SATB1: variants seen among roughly 807,000 people sequenced by gnomAD.
The protein encoded by SATB1 is SATB homeobox 1.
A neutral mutation model predicts 86.9 loss-of-function variants in SATB1; 11 were observed. The ratio of observed to expected loss-of-function variants is 0.13; its 90% CI spans 0.08 to 0.21. SATB1 has a LOEUF of 0.21. Ranked by LOEUF, SATB1 falls within the 10% of genes least tolerant of loss-of-function variation. SATB1 has a pLI of 1.00. For missense variants in SATB1, 551 were observed against 937.6 expected, an observed-to-expected ratio of 0.59 and a Z score of 5.39; for synonymous variants, 357 against 357.2, an observed-to-expected ratio of 1.00 and a Z score of 0.01.
chr3:18,438,170 G>A lies in SATB1; in HGVS notation c.-108+395C>T, dbSNP rs1699128187. On this transcript the variant is annotated intron_variant, in intron 1 of 3. Transcript: ENST00000414509. The stretch of plus-strand genomic sequence containing the variant: ...TCCTTAACATTATAAACATTAAAAG[G>A]CCAAATTGTCATTTACATGCTCTTA... Among the ~76,000 whole-genome samples the A allele has an allele frequency of 2.0e-5, 3 of 152,040 alleles. No homozygotes were observed. The South Asian group carries it at 6.2e-4, about 32-fold the overall frequency.
Position 18,347,497 on chromosome 3 carries a change from A to G in SATB1, c.*1673T>C, listed in dbSNP as rs918728814. 3.3e-5 allele frequency: 5 copies of G among 152,104 alleles called. No homozygotes were observed. Among genetic ancestry groups the G allele is most frequent in the Admixed American group, 3.3e-4 (5 of 15,262 alleles). The allele number at this position is 152,104 out of a possible 1,614,324, so 9.4% of individuals were successfully genotyped here. A position where few individuals can be genotyped will look rare whatever the true frequency, so the allele number is the denominator to read the frequency against. ...TATTCCACTTATAACTTGTGAAAAA[A>G]AAAAGCTAAGGGGTTTTTATACAGA... On this transcript the variant is annotated 3_prime_UTR_variant, in exon 11 of 11. Transcript: ENST00000338745.
intron 5 of SATB1, among the ~76,000 whole-genome samples, chr3:18,407,250 C>T (rs919539195): frequency 6.6e-6 from 1 of 152,068 alleles, no homozygotes; most frequent in African/African-American, 2.4e-5. Flanking sequence ...AAAGTATAAG[C>T]TGCAGTCTTC....
Position 18,444,308 on chromosome 3 carries a change from T to C in SATB1, c.-25+1210A>G, listed in dbSNP as rs977799128. 2.6e-5 allele frequency among the ~76,000 whole-genome samples: 4 copies of C among 151,882 alleles called. No individual in the cohort carries two copies. The highest frequency in any genetic ancestry group is 3.9e-4 in the East Asian group (2 of 5,138). ...AAGGAGTTTGTTCAGCCAGGGTCTA[T>C]TGGGCAGGTGTGGTGGTGTGTCCAC... On this transcript the variant is annotated intron_variant, in intron 1 of 3. Transcript: ENST00000415069. The surrounding 1 kb of genome is among the most constrained non-coding windows in gnomAD (Gnocchi z 5.1).
intron 5 of SATB1, among the ~76,000 whole-genome samples, chr3:18,402,282 G>A (rs1401399406): frequency 1.3e-5 from 2 of 151,962 alleles, no homozygotes; most frequent in Non-Finnish European, 2.9e-5. Flanking sequence ...TCATCAGATG[G>A]GGAAAGGCAG....
intron 5 of SATB1, among the ~76,000 whole-genome samples, chr3:18,411,275 C>T (rs991592231): frequency 2.0e-5 from 3 of 151,932 alleles, no homozygotes; most frequent in East Asian, 1.9e-4. Flanking sequence ...TGTGTGTGCA[C>T]GTGTGCACGC....
At chr3:18,392,368 T>C (rs1198815338) in intron 7 of SATB1, among the ~76,000 whole-genome samples, 2 of 152,148 alleles carry the variant, frequency 1.3e-5, no homozygotes, top group South Asian at 4.1e-4. Flanking sequence ...CAACTCCTCA[T>C]AGTAATGGCT....
chr3:18,420,873 C>A lies in SATB1; in HGVS notation c.95G>T (p.Arg32Leu). The A allele has an allele frequency of 6.2e-7, 1 of 1,614,160 alleles. No individual in the cohort carries two copies. The highest frequency in any genetic ancestry group is 1.6e-4 in the Middle Eastern group (1 of 6,062). The change falls in exon 2 of 11, where the codon CGC becomes CTC. Residue 32 changes from arginine (R) to leucine (L), a missense_variant. Transcript: ENST00000338745. ...TAGCGGGCTCCCGTTCTGCTCCAGG[C>A]GGGCAATCTTGGCTGGTGGACCCTT... ...DPKGPPAKIA[R>L]LEQNGSPLGR... is the part of the protein sequence containing the mutation.
Position 18,420,822 on chromosome 3 carries a change from C to T in SATB1, c.146G>A (p.Gly49Asp). ...PLGRGRLGSTGAKMQGVPLKH... is the reference protein window; with the variant it reads ...PLGRGRLGSTDAKMQGVPLKH... ...TAAAGGCACTCCCTGCATTTTTGCA[C>T]CTGTACTCCCAAGCCTTCCTCTTCC... The change falls in exon 2 of 11, where the codon GGT becomes GAT. Residue 49 changes from glycine (G) to aspartate (D), a missense_variant. Around this residue, in one of 8 missense-constraint regions of SATB1, gnomAD observed 153 missense variants for 258.1 expected, o/e 0.59. Transcript: ENST00000338745. 6.2e-7 allele frequency: 1 copy of T among 1,614,166 alleles called. No homozygotes were observed. Among genetic ancestry groups the T allele is most frequent in the Non-Finnish European group, 8.5e-7 (1 of 1,180,034 alleles).
At chr3:18,357,025 T>C (rs1395773837) in intron 9 of SATB1, among the ~76,000 whole-genome samples, 3 of 151,608 alleles carry the variant, frequency 2.0e-5, no homozygotes, top group Non-Finnish European at 3.0e-5. Flanking sequence ...CTAAGAGCTA[T>C]AAAAAGAGAA....
At position 18,349,515 on chromosome 3, in the gene SATB1, T is replaced by C. The variant is rs1448006800; in HGVS notation, c.1947A>G (p.Thr649=). 3.7e-6 allele frequency: 6 copies of C among 1,614,166 alleles called. No individual in the cohort carries two copies. In the South Asian group the frequency reaches 6.6e-5, roughly 18 times the overall value. ...EENRQKTRPR[T]KISVEALGIL... is the part of the protein sequence containing the mutation. ...TTCCCAAGGCTTCCACTGAAATTTT[T>C]GTTCGTGGCCGGGTCTTCTGTCGGT... The change falls in exon 11 of 11, where the codon ACA becomes ACG. Residue 649 remains threonine, a synonymous_variant. Coordinates refer to ENST00000338745, the MANE Select transcript of SATB1 (RefSeq NM_002971.6). This position sits in a 1 kb window ranked among gnomAD's most constrained non-coding sequence, Gnocchi z 5.5.
At chr3:18,370,359 C>T (rs1373648401) in intron 9 of SATB1, among the ~76,000 whole-genome samples, 1 of 151,828 alleles carries the variant, frequency 6.6e-6, no homozygotes, top group East Asian at 1.9e-4. Flanking sequence ...TCTTTCAATT[C>T]CCCTTTCCCT....
At chr3:18,440,222 G>A (rs934463422), upstream of SATB1, among the ~76,000 whole-genome samples, 1 of 152,140 alleles carries the variant, frequency 6.6e-6, no homozygotes, top group Non-Finnish European at 1.5e-5. Context: ...TATTTTAAGT[G>A]GCATGCAGAT....
At position 18,413,344 on chromosome 3, in the gene SATB1, C is replaced by T. The variant is rs116206232; in HGVS notation, c.639+1767G>A. ...TGACTGTATCAATAAATATTTGTAA[C>T]GACAGCCTCTTCTTCAGCTCATAGT... On this transcript the variant is annotated intron_variant, in intron 5 of 10. Transcript: ENST00000338745. Among the ~76,000 whole-genome samples the T allele has an allele frequency of 4.0e-3, 602 of 152,160 alleles. 7 individuals carry two copies. The highest frequency in any genetic ancestry group is 0.013 in the African/African-American group (557 of 41,544).
rs138373358 is a variant in SATB1, at chr3:18,420,788, C to T, written c.180G>A (p.Ser60=). The T allele has an allele frequency of 1.3e-5, 21 of 1,613,968 alleles. No homozygotes were observed. The African/African-American group carries it at 2.1e-4, about 16-fold the overall frequency. The change falls in exon 2 of 11, where the codon TCG becomes TCA. Residue 60 remains serine (S), a synonymous_variant. Transcript: ENST00000338745. ...TAAGGTTGGTTTTCATCAGATGGCC[C>T]GAGTGTTTTAAAGGCACTCCCTGCA... ...AKMQGVPLKH[S]GHLMKTNLRK...
At chr3:18,440,256 G>A (rs1408618963), upstream of SATB1, among the ~76,000 whole-genome samples, 1 of 152,186 alleles carries the variant, frequency 6.6e-6, no homozygotes, top group African/African-American at 2.4e-5. Flanking sequence ...TGATGTTATA[G>A]TTGAGGTATG....
chr3:18,388,136 C>T (rs1348074752), intron 7 of SATB1, among the ~76,000 whole-genome samples: 4 of 152,088 alleles, frequency 2.6e-5, no homozygotes, highest in Non-Finnish European at 5.9e-5. Flanking sequence ...GAATGAAGGG[C>T]ATGTGTCCTT....
chr3:18,399,525 C>A (rs1040712197), intron 5 of SATB1, among the ~76,000 whole-genome samples: 2 of 152,072 alleles, frequency 1.3e-5, no homozygotes, highest in Non-Finnish European at 2.9e-5. Context: ...AAAACTAGAA[C>A]CTATATGTAA....
Position 18,415,190 on chromosome 3 carries a change from G to T in SATB1, c.560C>A (p.Thr187Asn). ...GTCCTTCAGAGCATTCCTCACTGTG[G>T]TGTGCGACCATTGTTCGGGAGGCAA... ...EDLPPEQWSH[T>N]TVRNALKDLL... Residue 187 changes from threonine (T) to asparagine (N), a missense_variant, in exon 5 of 11, where the codon ACC becomes AAC. Thr to Asn is a moderately conservative substitution (Grantham distance 65). Coordinates refer to ENST00000338745, the MANE Select transcript of SATB1 (RefSeq NM_002971.6). 6.2e-7 allele frequency: 1 copy of T among 1,612,984 alleles called. No individual in the cohort carries two copies. The highest frequency in any genetic ancestry group is 8.5e-7 in the Non-Finnish European group (1 of 1,179,232).
At chr3:18,440,878 A>C (rs914325945), upstream of SATB1, among the ~76,000 whole-genome samples, 4 of 152,232 alleles carry the variant, frequency 2.6e-5, no homozygotes, top group African/African-American at 7.2e-5. Context: ...TGAATACTTA[A>C]TATAATAAGC....
Sources: allele counts gnomAD v4.1 joint callset (sites outside exome capture counted in the v4.1 genomes callset), GRCh38; gene constraint gnomAD v4.1.1; regional missense constraint gnomAD v4.1.1; non-coding constraint Gnocchi (gnomAD v3.1); transcripts MANE v1.5; gene names NCBI Gene and HGNC (gene_info 2026-07-23, HGNC 2026-07-21).